The following CLSTN2 variants were observed in gnomAD, a reference collection of about 807,000 sequenced individuals.
The protein encoded by CLSTN2 is calsyntenin 2.
A neutral mutation model predicts 101.2 loss-of-function variants in CLSTN2; 48 were observed. That is an observed-to-expected ratio of 0.47 (90% CI 0.38 to 0.60). The LOEUF is 0.60. Among genes scored for constraint, CLSTN2 ranks in the 20% least tolerant of loss-of-function variants. The pLI is 0.00. For missense variants in CLSTN2, 1,160 were observed against 1,238.2 expected (o/e 0.94, Z 0.95); for synonymous variants, 481 against 463.6 (o/e 1.04, Z -0.48).
chr3:140,543,590 G>A (rs1031023872), intron 9 of CLSTN2, among the ~76,000 whole-genome samples: 3 of 152,200 alleles, frequency 2.0e-5, no homozygotes, highest in Admixed American at 6.5e-5. Flanking sequence ...AGAGAGCAGG[G>A]CAGCTCAGGC....
chr3:140,023,904 C>T (rs1220681461), intron 1 of CLSTN2, among the ~76,000 whole-genome samples: 5 of 152,214 alleles, frequency 3.3e-5, no homozygotes, highest in Non-Finnish European at 7.3e-5. Context: ...GCTACGGGGC[C>T]AAACCACTGC....
intron 1 of CLSTN2, among the ~76,000 whole-genome samples, chr3:140,120,576 G>A (rs933911486): frequency 2.0e-5 from 3 of 152,234 alleles, no homozygotes; most frequent in Non-Finnish European, 2.9e-5. Context: ...GGGGCTGAAA[G>A]TTCCAACCCT....
intron 8 of CLSTN2, among the ~76,000 whole-genome samples, chr3:140,525,474 A>G (rs1935117903): frequency 6.6e-6 from 1 of 152,166 alleles, no homozygotes; most frequent in Non-Finnish European, 1.5e-5. Flanking sequence ...CCTAGACCAG[A>G]TGGATTCACA....
At chr3:140,327,724 C>T (rs1361951670) in intron 2 of CLSTN2, among the ~76,000 whole-genome samples, 2 of 152,172 alleles carry the variant, frequency 1.3e-5, no homozygotes, top group East Asian at 3.9e-4. Flanking sequence ...AAGCCTACCT[C>T]TTAGTGTTTT....
intron 2 of CLSTN2, among the ~76,000 whole-genome samples, chr3:140,194,467 T>C (rs2010615649): frequency 6.6e-6 from 1 of 152,182 alleles, no homozygotes; most frequent in South Asian, 2.1e-4. Context: ...ACATTCAGTC[T>C]GTAGCAGTTT....
intron 1 of CLSTN2, among the ~76,000 whole-genome samples, chr3:139,944,583 G>T (rs143521747): frequency 1.3e-5 from 2 of 152,188 alleles, no homozygotes; most frequent in South Asian, 4.1e-4. Context: ...TCCCAGGGTG[G>T]CTGTGAGCCC....
chr3:140,464,636 T>G (rs994926552), intron 7 of CLSTN2, among the ~76,000 whole-genome samples: 2 of 152,226 alleles, frequency 1.3e-5, no homozygotes, highest in African/African-American at 2.4e-5. Context: ...CATCCATTCT[T>G]CTTGTTCCAC....
intron 2 of CLSTN2, among the ~76,000 whole-genome samples, chr3:140,302,988 G>A (rs1418292062): frequency 6.6e-6 from 1 of 152,166 alleles, no homozygotes; most frequent in African/African-American, 2.4e-5. Flanking sequence ...CCAGCCCCGC[G>A]ATGCACACAG....
At chr3:140,164,646 A>C (rs2010104118) in intron 1 of CLSTN2, among the ~76,000 whole-genome samples, 1 of 152,162 alleles carries the variant, frequency 6.6e-6, no homozygotes, top group South Asian at 2.1e-4. Flanking sequence ...AGTTGGCTTG[A>C]TCCAGATGAC....
chr3:139,937,002 T>C (rs1935033567), intron 1 of CLSTN2, among the ~76,000 whole-genome samples: 1 of 152,132 alleles, frequency 6.6e-6, no homozygotes, highest in African/African-American at 2.4e-5. Flanking sequence ...TGAGAGACTG[T>C]TGTTTTGGTG....
intron 16 of CLSTN2, among the ~76,000 whole-genome samples, chr3:140,565,005 T>C (rs930831650): frequency 9.2e-5 from 14 of 152,210 alleles, no homozygotes; most frequent in Non-Finnish European, 1.9e-4. Context: ...AGTGTGCTGA[T>C]GTGGCTCAGT....
chr3:140,393,845 G>T (rs532574269), intron 2 of CLSTN2, among the ~76,000 whole-genome samples: 1 of 152,138 alleles, frequency 6.6e-6, no homozygotes, highest in East Asian at 1.9e-4. Context: ...TGAGACATAG[G>T]GTTTAAAATG....
intron 2 of CLSTN2, among the ~76,000 whole-genome samples, chr3:140,242,879 C>T (rs1317437346): frequency 1.3e-5 from 2 of 152,170 alleles, no homozygotes; most frequent in African/African-American, 4.8e-5. Flanking sequence ...CCTGAGCTGT[C>T]CCACGCTGCC....
chr3:140,152,863 G>T (rs1313361839), intron 1 of CLSTN2, among the ~76,000 whole-genome samples: 1 of 152,294 alleles, frequency 6.6e-6, no homozygotes, highest in East Asian at 1.9e-4. Flanking sequence ...AGACACAAAT[G>T]CTTCATAATC....
chr3:140,289,841 G>T (rs2086932298), intron 2 of CLSTN2, among the ~76,000 whole-genome samples: 1 of 151,634 alleles, frequency 6.6e-6, no homozygotes, highest in Non-Finnish European at 1.5e-5. Context: ...ATCAGACAAG[G>T]TTTAAAAACC....
chr3:140,232,188 G>A (rs1210799062), intron 2 of CLSTN2, among the ~76,000 whole-genome samples: 1 of 152,146 alleles, frequency 6.6e-6, no homozygotes, highest in South Asian at 2.1e-4. Context: ...ACATGGTTCA[G>A]TCCCACCTTC....
At chr3:140,095,659 G>T (rs1187247814) in intron 1 of CLSTN2, among the ~76,000 whole-genome samples, 1 of 152,152 alleles carries the variant, frequency 6.6e-6, no homozygotes, top group Non-Finnish European at 1.5e-5. Context: ...AGTGTATGGA[G>T]ACTTTTCCTG....
chr3:140,403,739 G>A lies in CLSTN2; in HGVS notation c.343G>A (p.Glu115Lys). ...RLRAKSPIDC[E>K]LQKEYTFIIQ... ...CCGTGCCAAGAGCCCCATTGACTGTGAGTTGCAGAAGGAGTACACATTCAT... is the reference window on the plus strand; with the variant it reads ...CCGTGCCAAGAGCCCCATTGACTGTAAGTTGCAGAAGGAGTACACATTCAT... Residue 115 changes from glutamate (E) to lysine (K), a missense_variant, in exon 3 of 17, where the codon GAG becomes AAG. Glu to Lys is a moderately conservative substitution (Grantham distance 56). Coordinates refer to ENST00000458420, the MANE Select transcript of CLSTN2 (RefSeq NM_022131.3). 1.2e-6 allele frequency: 2 copies of A among 1,614,204 alleles called. No individual in the cohort carries two copies. The highest frequency in any genetic ancestry group is 1.7e-6 in the Non-Finnish European group (2 of 1,180,030).
At chr3:140,166,836 C>T (rs2010142656) in intron 1 of CLSTN2, among the ~76,000 whole-genome samples, 1 of 152,148 alleles carries the variant, frequency 6.6e-6, no homozygotes, top group South Asian at 2.1e-4. Context: ...CCTAAAGGGG[C>T]ATGATATGAC....
Sources: allele counts gnomAD v4.1 joint callset (sites outside exome capture counted in the v4.1 genomes callset), GRCh38; gene constraint gnomAD v4.1.1; transcripts MANE v1.5; gene names NCBI Gene and HGNC (gene_info 2026-07-23, HGNC 2026-07-21).